The following CTIF variants were observed in gnomAD, a reference collection of about 807,000 sequenced individuals.
CTIF encodes the protein cap binding complex dependent translation initiation factor.
A neutral mutation model predicts 66.0 loss-of-function variants in CTIF; 21 were observed. The ratio of observed to expected loss-of-function variants is 0.32; its 90% CI spans 0.23 to 0.46. The LOEUF (loss-of-function observed/expected upper bound fraction) is 0.46, where lower values mean the gene tolerates loss of function less well. Ranked by LOEUF, CTIF falls within the 20% of genes least tolerant of loss-of-function variation. The pLI is 1.00. For synonymous variants in CTIF, 345 were observed against 326.4 expected, an observed-to-expected ratio of 1.06 and a Z score of -0.62; for missense variants, 739 against 812.7, an observed-to-expected ratio of 0.91 and a Z score of 1.10.
chr18:48,773,021 G>A (rs1244202265), intron 9 of CTIF, among the ~76,000 whole-genome samples: 2 of 152,220 alleles, frequency 1.3e-5, no homozygotes, highest in Non-Finnish European at 2.9e-5. Flanking sequence ...ATTCAGCTGA[G>A]AGCTGGAGGA....
At chr18:48,811,645 G>A (rs2068260864) in intron 9 of CTIF, among the ~76,000 whole-genome samples, 1 of 150,716 alleles carries the variant, frequency 6.6e-6, no homozygotes, top group Non-Finnish European at 1.5e-5. Context: ...ACCTGCATAA[G>A]TGAAATCATG....
At chr18:48,721,795 G>A (rs2092340041) in intron 7 of CTIF, among the ~76,000 whole-genome samples, 1 of 151,870 alleles carries the variant, frequency 6.6e-6, no homozygotes, top group Non-Finnish European at 1.5e-5. Flanking sequence ...AGGAAGAAAA[G>A]AACACTGGAC....
rs1173090342 is a variant in CTIF at position 48,832,768 on chromosome 18, G to C, written c.1527+15392G>C. ...TCCCAGGGTTAAAAGCCAGACTTAG[G>C]AAACGCAAACACACTTGTGGAAATG... On this transcript the variant is annotated intron_variant, in intron 10 of 11. Transcript: ENST00000256413. Among the ~76,000 whole-genome samples the C allele has an allele frequency of 2.6e-5, 4 of 152,342 alleles. No homozygotes were observed. In the East Asian group the frequency reaches 7.7e-4, roughly 29 times the overall value.
chr18:48,639,170 G>C (rs1200732879), intron 3 of CTIF, among the ~76,000 whole-genome samples: 1 of 152,258 alleles, frequency 6.6e-6, no homozygotes. Flanking sequence ...CAGTCAGAAT[G>C]CTGGGTTTGC....
At chr18:48,580,701 T>C (rs1001175107) in intron 1 of CTIF, among the ~76,000 whole-genome samples, 9 of 152,216 alleles carry the variant, frequency 5.9e-5, no homozygotes, top group Non-Finnish European at 1.2e-4. Flanking sequence ...CCGTCGTCTT[T>C]CTGGGTACTC....
intron 6 of CTIF, chr18:48,688,285 C>T (rs12458836): frequency 0.2 from 29,857 of 152,178 alleles, 3,091 homozygotes; most frequent in Middle Eastern, 0.29. Flanking sequence ...AGATCACCTG[C>T]AAGGATTCCT....
intron 6 of CTIF, among the ~76,000 whole-genome samples, chr18:48,675,258 C>T (rs1360197813): frequency 1.3e-5 from 2 of 152,210 alleles, no homozygotes; most frequent in Non-Finnish European, 2.9e-5. Flanking sequence ...GCATCTCTAT[C>T]ACAGGAGTGG....
intron 3 of CTIF, among the ~76,000 whole-genome samples, chr18:48,648,583 C>T (rs1400014280): frequency 6.6e-6 from 1 of 152,142 alleles, no homozygotes; most frequent in African/African-American, 2.4e-5. Flanking sequence ...TGCTTTCCCC[C>T]TCAGTTGCTC....
chr18:48,736,428 A>T (rs2092503828), intron 7 of CTIF, among the ~76,000 whole-genome samples: 1 of 152,192 alleles, frequency 6.6e-6, no homozygotes, highest in Non-Finnish European at 1.5e-5. Context: ...AGCTGTGCAT[A>T]GAAGCTGGGA....
rs954645013 is a variant in CTIF at position 48,761,555 on chromosome 18, A to G, written c.1237A>G (p.Ile413Val). The G allele has an allele frequency of 1.9e-6, 3 of 1,614,086 alleles. No homozygotes were observed. Among genetic ancestry groups the G allele is most frequent in the Admixed American group, 1.7e-5 (1 of 60,016 alleles). Residue 413 changes from isoleucine (I) to valine (V), a missense_variant, in exon 9 of 12, where the codon ATC (isoleucine) becomes GTC (valine). By Grantham distance (29) the Ile-to-Val change is conservative. This residue lies in a region of CTIF where 210 missense variants were observed against 292.3 expected (regional missense o/e 0.72). Coordinates refer to ENST00000256413, the MANE Select transcript of CTIF (RefSeq NM_014772.3). The surrounding 1 kb of genome is among the most constrained non-coding windows in gnomAD (Gnocchi z 4.2). ...CAACTCCGAGGAGATGCTGGGCGAG[A>G]TCGTGCGCACAATCTACCAGAAGGC... ...STNSEEMLGEIVRTIYQKAVS... is the reference protein window; with the variant it reads ...STNSEEMLGEVVRTIYQKAVS...
intron 6 of CTIF, among the ~76,000 whole-genome samples, chr18:48,709,146 C>T (rs148968724): frequency 3.3e-4 from 51 of 152,346 alleles, no homozygotes; most frequent in African/African-American, 1.2e-3. Context: ...GAAACTGAGG[C>T]ACATAGAGGT....
At chr18:48,691,095 A>G (rs990206381) in intron 6 of CTIF, among the ~76,000 whole-genome samples, 4 of 152,178 alleles carry the variant, frequency 2.6e-5, no homozygotes, top group Non-Finnish European at 4.4e-5. Flanking sequence ...GGGTGAAGGA[A>G]ATGTCTTGGA....
chr18:48,545,886 G>A (rs939132944), intron 1 of CTIF, among the ~76,000 whole-genome samples: 2 of 152,082 alleles, frequency 1.3e-5, no homozygotes, highest in African/African-American at 4.8e-5. Flanking sequence ...GCCGGCCGCT[G>A]TCGTCAGGGA....
intron 9 of CTIF, among the ~76,000 whole-genome samples, chr18:48,803,606 C>A (rs934688648): frequency 1.3e-5 from 2 of 152,172 alleles, no homozygotes; most frequent in African/African-American, 4.8e-5. Flanking sequence ...GTCCAGGGAT[C>A]TGTCACTGAG....
chr18:48,625,995 T>C (rs1270396383), intron 2 of CTIF, among the ~76,000 whole-genome samples: 1 of 125,606 alleles, frequency 8.0e-6, no homozygotes, highest in Non-Finnish European at 1.7e-5. Context: ...TATTTCTTTT[T>C]CTTTCTTTTT....
At position 48,862,722 on chromosome 18, in the gene CTIF, C is replaced by T. The variant is rs909248076; in HGVS notation, c.*3163C>T. ...AGGGTGGGGGGTGTGGGAAGGGTAC[C>T]ACAGATCAGGCCGGGGCAGCTGTAG... On this transcript the variant is annotated 3_prime_UTR_variant, in exon 12 of 12. Coordinates refer to ENST00000256413, the MANE Select transcript of CTIF (RefSeq NM_014772.3). The T allele has an allele frequency of 1.3e-5, 2 of 152,490 alleles. No homozygotes were observed. The highest frequency in any genetic ancestry group is 4.1e-4 in the South Asian group (2 of 4,830). The allele number at this position is 152,490 out of a possible 1,614,324, so 9.4% of individuals were successfully genotyped here. A position where few individuals can be genotyped will look rare whatever the true frequency, so the allele number is the denominator to read the frequency against.
intron 10 of CTIF, 81 bp downstream of exon 10, chr18:48,817,457 C>A: frequency 6.7e-7 from 1 of 1,499,336 alleles, no homozygotes; most frequent in Non-Finnish European, 9.0e-7. Context: ...TGGGACAAAG[C>A]TGTGAGGGTA....
intron 6 of CTIF, among the ~76,000 whole-genome samples, chr18:48,708,250 G>C (rs1316507307): frequency 1.3e-5 from 2 of 152,182 alleles, no homozygotes; most frequent in East Asian, 1.9e-4. Flanking sequence ...TGCACATCTG[G>C]TGACAGGTTT....
In CTIF at chr18:48,622,309, G is replaced by A. The variant is rs771854385; in HGVS notation, c.180+2564G>A. ...GGTGTGGCGTGTGTCCAGGAGTGGG[G>A]TGTTTGAAATCAGAGGTGGAGGAAT... On this transcript the variant is annotated intron_variant, in intron 2 of 11. Transcript: ENST00000256413. Among the ~76,000 whole-genome samples the A allele has an allele frequency of 3.3e-5, 5 of 152,134 alleles. No individual in the cohort carries two copies. The South Asian group carries it at 1.0e-3, about 32-fold the overall frequency.
Sources: allele counts gnomAD v4.1 joint callset (sites outside exome capture counted in the v4.1 genomes callset), GRCh38; gene constraint gnomAD v4.1.1; regional missense constraint gnomAD v4.1.1; non-coding constraint Gnocchi (gnomAD v3.1); transcripts MANE v1.5; gene names NCBI Gene and HGNC (gene_info 2026-07-23, HGNC 2026-07-21).